Variants in HERPUD2 observed in about 807,000 individuals in gnomAD.
HERPUD2 encodes homocysteine-responsive endoplasmic reticulum-resident ubiquitin-like domain member 2 protein.
HERPUD2 carries 13 observed loss-of-function variants against 49.9 expected under a neutral mutation model. The observed-to-expected ratio is 0.26, with a 90% CI of 0.17 to 0.41. The LOEUF (loss-of-function observed/expected upper bound fraction) is 0.41. Ranked by LOEUF, HERPUD2 falls within the 10% of genes least tolerant of loss-of-function variation. The probability of loss-of-function intolerance (pLI) is 1.00; values close to 1 mark genes in which losing one functional copy is unlikely to be tolerated. For missense variants in HERPUD2, 449 were observed against 492.2 expected (o/e 0.91, Z 0.83); for synonymous variants, 172 against 171.4 (o/e 1.00, Z -0.03).
intron 6 of HERPUD2, among the ~76,000 whole-genome samples, chr7:35,637,156 AAGAAAGATAGAT>A (rs1400547652): frequency 1.8e-4 from 26 of 142,522 alleles, no homozygotes; most frequent in Middle Eastern, 3.6e-3. Context: ...GAAAGAAAGA[AAGAAAGATAGAT>A]AGATAGATAG....
intron 5 of HERPUD2, among the ~76,000 whole-genome samples, chr7:35,657,273 C>G (rs1785295338): frequency 6.6e-6 from 1 of 152,024 alleles, no homozygotes; most frequent in Non-Finnish European, 1.5e-5. Flanking sequence ...CTCAACATGA[C>G]TCAGTAGGGA....
intron 2 of HERPUD2, among the ~76,000 whole-genome samples, chr7:35,674,404 T>TATAG (rs1785711309): frequency 3.1e-4 from 12 of 38,120 alleles, no homozygotes; most frequent in African/African-American, 5.1e-4. Flanking sequence ...TATATATATA[T>TATAG]AGAGAGAGAG....
chr7:35,671,359 G>A (rs1334777421), intron 3 of HERPUD2, among the ~76,000 whole-genome samples: 2 of 151,970 alleles, frequency 1.3e-5, no homozygotes, highest in African/African-American at 2.4e-5. Flanking sequence ...GGAGTTTGGA[G>A]GAAGGAGTTA....
rs1315389393 is a variant in HERPUD2 at position 35,682,357 on chromosome 7, G to GTGTGTATATA, written c.148-9080_148-9079insTATATACACA. 1.2e-4 allele frequency among the ~76,000 whole-genome samples: 3 copies of GTGTGTATATA among 25,826 alleles called. 1 individual carries two copies. The highest frequency in any genetic ancestry group is 4.3e-4 in the African/African-American group (3 of 6,948). 16.9% of individuals were successfully genotyped at this position (25,826 alleles called of 152,430 possible). A position where few individuals can be genotyped will look rare whatever the true frequency, so the allele number is the denominator to read the frequency against. Reference sequence around the variant, plus strand: ...TGTGTGTGTGTGTGTGTGTGTGTGTGTATATATATATATATATATATATAT... The same window carrying GTGTGTATATA: ...TGTGTGTGTGTGTGTGTGTGTGTGTGTGTGTATATATATATATATATATATATATATATAT... On this transcript the variant is annotated intron_variant, in intron 2 of 8. Coordinates refer to ENST00000311350, the MANE Select transcript of HERPUD2 (RefSeq NM_022373.5).
At chr7:35,651,387 C>T (rs1197487840) in intron 5 of HERPUD2, among the ~76,000 whole-genome samples, 1 of 152,116 alleles carries the variant, frequency 6.6e-6, no homozygotes, top group Admixed American at 6.5e-5. Flanking sequence ...AAGATTGGCC[C>T]ACCTGACACC....
At chr7:35,686,741 A>AC (rs1786061841) in intron 2 of HERPUD2, among the ~76,000 whole-genome samples, 1 of 112,796 alleles carries the variant, frequency 8.9e-6, no homozygotes, top group African/African-American at 3.8e-5. Context: ...AAAAAAAAAA[A>AC]AAAACCAAAC....
intron 2 of HERPUD2, among the ~76,000 whole-genome samples, chr7:35,688,255 C>G (rs1478084875): frequency 6.6e-6 from 1 of 152,110 alleles, no homozygotes; most frequent in African/African-American, 2.4e-5. Context: ...ATCTAAAAAC[C>G]CTGAAAATTC....
At chr7:35,674,379 C>CA (rs1785705068) in intron 2 of HERPUD2, among the ~76,000 whole-genome samples, 6 of 42,970 alleles carry the variant, frequency 1.4e-4, no homozygotes, top group Non-Finnish European at 2.0e-4. Flanking sequence ...GTCTTACAAC[C>CA]TATATATATA....
rs760987553 is a variant in HERPUD2 at position 35,669,170 on chromosome 7, C to A, written c.339+1045G>T. On this transcript the variant is annotated intron_variant, in intron 4 of 8. Coordinates refer to ENST00000311350, the MANE Select transcript of HERPUD2 (RefSeq NM_022373.5). Reference sequence around the variant, plus strand: ...CTCTGTGCCAATGCCAATGTCTGTGCCTTTCCATGCCAAGGCAGGAAACAT... The same window carrying A: ...CTCTGTGCCAATGCCAATGTCTGTGACTTTCCATGCCAAGGCAGGAAACAT... Among the ~76,000 whole-genome samples, 28 of 152,272 alleles carry A rather than the reference C, an allele frequency of 1.8e-4. No homozygotes were observed. In the South Asian group the frequency reaches 2.5e-3, roughly 14 times the overall value.
chr7:35,673,303 A>G, intron 2 of HERPUD2, 25 bp from the exon 3 acceptor site: 1 of 1,558,880 alleles, frequency 6.4e-7, no homozygotes, highest in Non-Finnish European at 8.8e-7. Flanking sequence ...AAAGAAAAGA[A>G]TTCAACTTTT....
chr7:35,634,308 A>T lies in HERPUD2; in HGVS notation c.1059+4T>A. On this transcript the variant is annotated splice_donor_region_variant and intron_variant, in intron 8 of 8. Transcript: ENST00000311350. ...TTAAGTATACAAAAGCTTCAATCAC[A>T]TACCATTTCTTCAAGTTCCAAGTTG... is the stretch of plus-strand genomic sequence containing the variant. 6.3e-7 allele frequency: 1 copy of T among 1,579,260 alleles called. No individual in the cohort carries two copies. Among genetic ancestry groups the T allele is most frequent in the Non-Finnish European group, 8.7e-7 (1 of 1,148,256 alleles).
At chr7:35,694,666 G>A (rs993882418) in intron 1 of HERPUD2, 39 bp from the exon 2 acceptor site, 3 of 283,178 alleles carry the variant, frequency 1.1e-5, no homozygotes, top group African/African-American at 6.4e-5. Flanking sequence ...GGGCACAACG[G>A]CCGGCCCGGG....
chr7:35,687,038 C>A (rs1203140056), intron 2 of HERPUD2, among the ~76,000 whole-genome samples: 1 of 152,022 alleles, frequency 6.6e-6, no homozygotes, highest in Admixed American at 6.6e-5. Flanking sequence ...CCAGCCCAGA[C>A]GACAGTGCGA....
chr7:35,681,264 C>G (rs940874702), intron 2 of HERPUD2, among the ~76,000 whole-genome samples: 1 of 152,018 alleles, frequency 6.6e-6, no homozygotes, highest in Non-Finnish European at 1.5e-5. Flanking sequence ...GTAGAACATA[C>G]AAATGTAACA....
intron 2 of HERPUD2, among the ~76,000 whole-genome samples, chr7:35,674,447 AGAGAGAGAGAGAGAGAGG>A: frequency 7.9e-6 from 1 of 127,236 alleles, no homozygotes; most frequent in South Asian, 2.6e-4. Flanking sequence ...AGAGAGAGAG[AGAGAGAGAGAGAGAGAGG>A]AGCACTGTGG....
intron 2 of HERPUD2, among the ~76,000 whole-genome samples, chr7:35,689,122 T>G (rs1316405018): frequency 1.3e-5 from 2 of 152,142 alleles, no homozygotes; most frequent in African/African-American, 2.4e-5. Context: ...CTACAAAAAT[T>G]CTATCTGGAA....
At chr7:35,637,115 AGAGT>A (rs1583535160) in intron 6 of HERPUD2, among the ~76,000 whole-genome samples, 1 of 151,406 alleles carries the variant, frequency 6.6e-6, no homozygotes, top group African/African-American at 2.4e-5. Flanking sequence ...CCTAGGTAAC[AGAGT>A]GAGACTCTGT....
intron 4 of HERPUD2, among the ~76,000 whole-genome samples, chr7:35,668,305 ATTTT>A (rs1358369084): frequency 5.3e-5 from 8 of 152,138 alleles, no homozygotes; most frequent in Non-Finnish European, 1.2e-4. Context: ...GTTAATCAGT[ATTTT>A]TTTATTCTCA....
At chr7:35,667,696 T>A in intron 4 of HERPUD2, 108 bp from the exon 5 acceptor site, 1 of 815,626 alleles carries the variant, frequency 1.2e-6, no homozygotes, top group Non-Finnish European at 1.9e-6. Flanking sequence ...CAAAATAACA[T>A]TTCAGAAATT....
Sources: allele counts gnomAD v4.1 joint callset (sites outside exome capture counted in the v4.1 genomes callset), GRCh38; gene constraint gnomAD v4.1.1; transcripts MANE v1.5; gene names NCBI Gene and HGNC (gene_info 2026-07-23, HGNC 2026-07-21).